FBXL13: variants seen among roughly 807,000 people sequenced by gnomAD.
FBXL13 encodes the protein F-box and leucine rich repeat protein 13.
A neutral mutation model predicts 83.6 loss-of-function variants in FBXL13; 67 were observed. The ratio of observed to expected loss-of-function variants is 0.80; its 90% CI spans 0.66 to 0.98. The LOEUF is 0.98. Ranked by LOEUF, FBXL13 falls within the 50% of genes least tolerant of loss-of-function variation. FBXL13 has a pLI of 0.00. For missense variants in FBXL13, 822 were observed against 866.5 expected (o/e 0.95, Z 0.64); for synonymous variants, 272 against 299.5 (o/e 0.91, Z 0.95).
intron 16 of FBXL13, among the ~76,000 whole-genome samples, chr7:102,874,060 G>A (rs1808897397): frequency 6.6e-6 from 1 of 152,196 alleles, no homozygotes; most frequent in Admixed American, 6.5e-5. Context: ...TTAACTAAAT[G>A]TGTAGTGTGA....
chr7:103,054,390 G>GAA (rs5886240), intron 2 of FBXL13, among the ~76,000 whole-genome samples: 1,738 of 120,368 alleles, frequency 0.014, 46 homozygotes, highest in African/African-American at 0.05. Flanking sequence ...ACTCCGTCTG[G>GAA]AAAAAAAAAA....
At chr7:102,900,643 A>T (rs1241036786) in intron 11 of FBXL13, among the ~76,000 whole-genome samples, 1 of 152,156 alleles carries the variant, frequency 6.6e-6, no homozygotes, top group Non-Finnish European at 1.5e-5. Flanking sequence ...GTAACATTCA[A>T]ACTTCACCGG....
chr7:102,926,519 T>C (rs916370299), intron 9 of FBXL13, 145 bp from the exon 11 acceptor site: 2 of 613,686 alleles, frequency 3.3e-6, no homozygotes, highest in African/African-American at 3.8e-5. Flanking sequence ...TACTATTAGG[T>C]TGAAATGAAA....
chr7:103,031,925 T>C (rs1159065624), intron 2 of FBXL13, among the ~76,000 whole-genome samples: 1 of 152,210 alleles, frequency 6.6e-6, no homozygotes, highest in African/African-American at 2.4e-5. Flanking sequence ...CCCTCCACTC[T>C]TACCCTCTCT....
chr7:103,046,851 G>C (rs1796332259), intron 2 of FBXL13: 1 of 152,142 alleles, frequency 6.6e-6, no homozygotes, highest in African/African-American at 2.4e-5. Flanking sequence ...AGTGTGGAGG[G>C]ACCCTTCTCA....
intron 8 of FBXL13, among the ~76,000 whole-genome samples, chr7:102,948,642 C>T (rs1295402442): frequency 3.3e-5 from 5 of 151,980 alleles, no homozygotes; most frequent in African/African-American, 1.2e-4. Context: ...CCAGGATGAT[C>T]TCGATCTCCT....
chr7:102,980,067 T>C (rs1243010130), intron 6 of FBXL13, among the ~76,000 whole-genome samples: 1 of 152,212 alleles, frequency 6.6e-6, no homozygotes, highest in African/African-American at 2.4e-5. Context: ...AGATTCAATG[T>C]AATCCCTATA....
intron 18 of FBXL13, among the ~76,000 whole-genome samples, chr7:102,830,190 T>TAACAAAA (rs1412186815): frequency 2.6e-5 from 4 of 152,156 alleles, no homozygotes; most frequent in African/African-American, 4.8e-5. Flanking sequence ...TCAGCCTTCA[T>TAACAAAA]AACAAAAAAC....
At position 102,819,945 on chromosome 7, in the gene FBXL13, G is replaced by A. The variant is rs1798572718; in HGVS notation, c.2018+2095C>T. Among the ~76,000 whole-genome samples the A allele has an allele frequency of 1.3e-5, 2 of 152,114 alleles. 1 individual carries two copies. Among genetic ancestry groups the A allele is most frequent in the South Asian group, 4.1e-4 (2 of 4,826 alleles). On this transcript the variant is annotated intron_variant, in intron 19 of 19. Transcript: ENST00000313221. ...ATCGCAGAAAGCTGCATGCAACTAG[G>A]CCCCCTTACAGCTTCTCTAATAAAA... is the stretch of plus-strand genomic sequence containing the variant.
chr7:102,959,992 A>T (rs960049012), intron 8 of FBXL13, among the ~76,000 whole-genome samples: 7 of 152,176 alleles, frequency 4.6e-5, no homozygotes, highest in African/African-American at 1.4e-4. Flanking sequence ...TCACATATAT[A>T]GAAATGTATT....
intron 17 of FBXL13, among the ~76,000 whole-genome samples, chr7:102,853,430 TAG>T (rs1805561672): frequency 6.6e-6 from 1 of 152,174 alleles, no homozygotes. Flanking sequence ...GAAGAAAACC[TAG>T]GCATTACCAT....
chr7:102,826,947 G>A (rs922566347), intron 18 of FBXL13: 10 of 288,382 alleles, frequency 3.5e-5, no homozygotes, highest in East Asian at 2.3e-4. Flanking sequence ...GAGCTCTATC[G>A]TATTATTTTC....
At chr7:102,999,068 T>C (rs1790119443) in intron 6 of FBXL13, among the ~76,000 whole-genome samples, 1 of 152,044 alleles carries the variant, frequency 6.6e-6, no homozygotes, top group African/African-American at 2.4e-5. Context: ...CCATATACAG[T>C]CTTTATTTTT....
intron 2 of FBXL13, among the ~76,000 whole-genome samples, chr7:103,044,922 C>G (rs1796117348): frequency 6.6e-6 from 1 of 152,188 alleles, no homozygotes. Flanking sequence ...CCTGTATTCA[C>G]TCGTCTTTAA....
chr7:102,967,718 T>C (rs1826140116), intron 7 of FBXL13, among the ~76,000 whole-genome samples: 1 of 152,222 alleles, frequency 6.6e-6, no homozygotes, highest in Admixed American at 6.5e-5. Context: ...AGGGACACTG[T>C]AATAAAACCA....
chr7:102,934,179 C>G, intron 8 of FBXL13: 1 of 1,614,232 alleles, frequency 6.2e-7, no homozygotes. Flanking sequence ...ATGCTGCTAG[C>G]AAGAAACAAG....
At position 102,929,308 on chromosome 7, in the gene FBXL13, T is replaced by TAC. The variant is rs139502267; in HGVS notation, c.777+2571_777+2572dup. On this transcript the variant is annotated intron_variant, in intron 9 of 19. Transcript: ENST00000313221. ...GATACATATGTAAACATAAGTGTAA[T>TAC]ACAGTGTGAAGTATCTGTGTTGAAG... is the stretch of plus-strand genomic sequence containing the variant. 3.7e-3 allele frequency among the ~76,000 whole-genome samples: 568 copies of TAC among 152,290 alleles called. 5 individuals are homozygous for TAC. The highest frequency in any genetic ancestry group is 0.013 in the African/African-American group (561 of 41,562).
intron 16 of FBXL13, among the ~76,000 whole-genome samples, chr7:102,867,685 ATATATATATATTTTTTT>A (rs1807889505): frequency 1.2e-5 from 1 of 80,622 alleles, no homozygotes; most frequent in Non-Finnish European, 2.1e-5. Context: ...ATATATATAT[ATATATATATATTTTTTT>A]TTTTTTTTTT....
chr7:103,031,125 C>G (rs1794470325), intron 2 of FBXL13: 1 of 152,202 alleles, frequency 6.6e-6, no homozygotes, highest in Non-Finnish European at 1.5e-5. Context: ...CCCAGTAATG[C>G]CCCATTCCCC....
Sources: allele counts gnomAD v4.1 joint callset (sites outside exome capture counted in the v4.1 genomes callset), GRCh38; gene constraint gnomAD v4.1.1; transcripts MANE v1.5; gene names NCBI Gene and HGNC (gene_info 2026-07-23, HGNC 2026-07-21).